The following RHOJ variants were observed in gnomAD, a reference collection of about 807,000 sequenced individuals.
RHOJ encodes ras homolog family member J.
A neutral mutation model predicts 23.4 loss-of-function variants in RHOJ; 11 were observed. The observed-to-expected ratio is 0.47, with a 90% CI of 0.30 to 0.78. The LOEUF (loss-of-function observed/expected upper bound fraction) is 0.78. Among genes scored for constraint, RHOJ ranks in the 30% least tolerant of loss-of-function variants. The pLI is 0.08. For synonymous variants in RHOJ, 102 were observed against 102.7 expected (o/e 0.99, Z 0.04); for missense variants, 254 against 273.4 (o/e 0.93, Z 0.50).
At chr14:63,267,738 CCTT>C (rs1157397848) in intron 1 of RHOJ, among the ~76,000 whole-genome samples, 1 of 152,146 alleles carries the variant, frequency 6.6e-6, no homozygotes, top group Non-Finnish European at 1.5e-5. Flanking sequence ...ATTTAAATGT[CCTT>C]CTTCTGTCAG....
Position 63,266,914 on chromosome 14 carries a change from AGT to A in RHOJ, c.179-2186_179-2185del, listed in dbSNP as rs1252911739. Reference sequence around the variant, plus strand: ...AAAGCCTTTTCTGATCCAGCTCCACAGTGTGTGTGTGCAGACATATGCACAGC... The same window carrying A: ...AAAGCCTTTTCTGATCCAGCTCCACAGTGTGTGTGCAGACATATGCACAGC... On this transcript the variant is annotated intron_variant, in intron 1 of 4. Transcript: ENST00000316754. Among the ~76,000 whole-genome samples, 8 of 152,218 alleles carry A rather than the reference AGT, an allele frequency of 5.3e-5. No individual in the cohort carries two copies. In the East Asian group the frequency reaches 1.2e-3, roughly 22 times the overall value.
intron 1 of RHOJ, among the ~76,000 whole-genome samples, chr14:63,225,444 C>T (rs1894575585): frequency 6.6e-6 from 1 of 152,232 alleles, no homozygotes; most frequent in African/African-American, 2.4e-5. Flanking sequence ...ATTTTTCAAG[C>T]AATTTCAACT....
intron 1 of RHOJ, among the ~76,000 whole-genome samples, chr14:63,223,480 G>T (rs986228979): frequency 2.0e-5 from 3 of 152,188 alleles, no homozygotes; most frequent in African/African-American, 7.2e-5. Flanking sequence ...CCCTGTATCA[G>T]TGTTTCTCTT....
intron 1 of RHOJ, among the ~76,000 whole-genome samples, chr14:63,257,904 A>G (rs1450783546): frequency 1.3e-5 from 2 of 149,434 alleles, no homozygotes; most frequent in African/African-American, 4.9e-5. Flanking sequence ...TCCCTGGCAC[A>G]ACCTCACTTT....
intron 4 of RHOJ, 21 bp from the exon 5 acceptor site, chr14:63,290,857 T>G: frequency 6.3e-7 from 1 of 1,593,118 alleles, no homozygotes; most frequent in Non-Finnish European, 8.5e-7. Context: ...CTCTCATGCC[T>G]TTCTCTCTTT....
At chr14:63,251,769 A>G (rs944618869) in intron 1 of RHOJ, among the ~76,000 whole-genome samples, 3 of 152,118 alleles carry the variant, frequency 2.0e-5, no homozygotes, top group Admixed American at 1.3e-4. Flanking sequence ...GTCTCTATTC[A>G]TTTTCTACTG....
intron 4 of RHOJ, chr14:63,288,115 T>C: frequency 1.1e-6 from 1 of 931,504 alleles, no homozygotes; most frequent in South Asian, 4.9e-5. Flanking sequence ...CTACTTTTTC[T>C]ATCAGTACAA....
intron 2 of RHOJ, among the ~76,000 whole-genome samples, chr14:63,277,966 AACACACACAC>A (rs34023824): frequency 1.9e-4 from 27 of 141,408 alleles, no homozygotes; most frequent in Admixed American, 9.2e-4. Flanking sequence ...CAGCTACACA[AACACACACAC>A]ACACACACAC....
At chr14:63,270,012 CG>C (rs1895438409) in intron 2 of RHOJ, among the ~76,000 whole-genome samples, 2 of 152,116 alleles carry the variant, frequency 1.3e-5, no homozygotes, top group African/African-American at 4.8e-5. Flanking sequence ...CTTTTGTTAC[CG>C]TATGTCTTGG....
intron 1 of RHOJ, among the ~76,000 whole-genome samples, chr14:63,207,713 C>T (rs58187111): frequency 0.14 from 21,815 of 152,158 alleles, 1,966 homozygotes; most frequent in African/African-American, 0.26. Context: ...TCAGACAGCC[C>T]GGTTCTAATA....
intron 4 of RHOJ, chr14:63,284,191 T>C (rs1594778828): frequency 2.0e-6 from 2 of 979,282 alleles, no homozygotes; most frequent in Non-Finnish European, 2.4e-6. Flanking sequence ...ATTTATCTTA[T>C]TAAATCTTGC....
chr14:63,270,192 T>C (rs1331268708), intron 2 of RHOJ, among the ~76,000 whole-genome samples: 1 of 144,916 alleles, frequency 6.9e-6, no homozygotes, highest in Non-Finnish European at 1.5e-5. Context: ...TTTTTCACAA[T>C]TGTTTGGATA....
chr14:63,281,106 C>T lies in RHOJ; in HGVS notation c.373C>T (p.His125Tyr). Residue 125 changes from histidine (H) to tyrosine (Y), a missense_variant, in exon 3 of 5, where the codon CAC (histidine) becomes TAC (tyrosine). Physicochemically the swap from His to Tyr is moderately conservative, Grantham distance 83. Transcript: ENST00000316754. The stretch of plus-strand genomic sequence containing the variant: ...CCCCGAGCTCAAGGACTGCATGCCT[C>T]ACGTGCCTTATGTCCTCATAGGGAC... ...WVPELKDCMP[H>Y]VPYVLIGTQI... 6.2e-7 allele frequency: 1 copy of T among 1,613,674 alleles called. No homozygotes were observed. The highest frequency in any genetic ancestry group is 1.7e-5 in the Admixed American group (1 of 59,928).
chr14:63,281,177 AT>A (rs1165700945), intron 3 of RHOJ, 42 bp downstream of exon 3: 2 of 1,563,368 alleles, frequency 1.3e-6, no homozygotes, highest in Admixed American at 3.8e-5. Context: ...GGCTGCAAAA[AT>A]GGGAAGACCC....
At chr14:63,218,479 A>T (rs1363532421) in intron 1 of RHOJ, among the ~76,000 whole-genome samples, 3 of 152,332 alleles carry the variant, frequency 2.0e-5, no homozygotes, top group East Asian at 1.9e-4. Flanking sequence ...ACTGTGTTTT[A>T]TAGTAATGAA....
intron 1 of RHOJ, among the ~76,000 whole-genome samples, chr14:63,212,945 T>G (rs538364618): frequency 6.6e-6 from 1 of 152,208 alleles, no homozygotes; most frequent in African/African-American, 2.4e-5. Context: ...TGCCACAGTA[T>G]AACACAGATC....
At chr14:63,212,994 C>T (rs547861433) in intron 1 of RHOJ, among the ~76,000 whole-genome samples, 8 of 152,156 alleles carry the variant, frequency 5.3e-5, no homozygotes, top group Non-Finnish European at 1.0e-4. Context: ...CATCTGCCAC[C>T]TAACAGCTAA....
At chr14:63,227,777 A>G (rs147040149) in intron 1 of RHOJ, among the ~76,000 whole-genome samples, 79 of 152,362 alleles carry the variant, frequency 5.2e-4, no homozygotes, top group Middle Eastern at 3.4e-3. Flanking sequence ...CTAGCTTAAT[A>G]ACACACTTGA....
chr14:63,241,748 G>A (rs1023441556), intron 1 of RHOJ, among the ~76,000 whole-genome samples: 1 of 152,206 alleles, frequency 6.6e-6, no homozygotes, highest in Admixed American at 6.5e-5. Flanking sequence ...GGCACTGGTT[G>A]ATCCAGTAGC....
Sources: gnomAD v4.1 joint callset for allele counts (sites outside exome capture counted in the v4.1 genomes callset) on GRCh38, gnomAD v4.1.1 for gene constraint, MANE v1.5 for transcripts, NCBI Gene and HGNC (gene_info 2026-07-23, HGNC 2026-07-21) for gene names.